Variants in SPTBN4 observed in about 807,000 individuals in gnomAD.
SPTBN4 encodes spectrin beta, non-erythrocytic 4, also known as spectrin beta chain, non-erythrocytic 4.
A neutral mutation model predicts 277.8 loss-of-function variants in SPTBN4; 96 were observed. That is an observed-to-expected ratio of 0.35 (90% CI 0.29 to 0.41). The LOEUF (loss-of-function observed/expected upper bound fraction) is 0.41, where lower values mean the gene tolerates loss of function less well. Ranked by LOEUF, SPTBN4 falls within the 10% of genes least tolerant of loss-of-function variation. The probability of loss-of-function intolerance (pLI) is 1.00; values close to 1 mark genes in which losing one functional copy is unlikely to be tolerated. For synonymous variants in SPTBN4, 1,481 were observed against 1,580.3 expected, an observed-to-expected ratio of 0.94 and a Z score of 1.49; for missense variants, 3,006 against 3,595.7, an observed-to-expected ratio of 0.84 and a Z score of 4.19.
At chr19:40,481,347 G>A (rs1454219232) in intron 2 of SPTBN4, among the ~76,000 whole-genome samples, 3 of 151,976 alleles carry the variant, frequency 2.0e-5, no homozygotes, top group Non-Finnish European at 2.9e-5. Flanking sequence ...TGAGCCATGC[G>A]CCCGGCCAAG....
In SPTBN4 at chr19:40,560,121, C is replaced by G. The variant is rs375981887; in HGVS notation, c.5671-38C>G. 6.4e-7 allele frequency: 1 copy of G among 1,550,536 alleles called. No homozygotes were observed. Among genetic ancestry groups the G allele is most frequent in the African/African-American group, 1.3e-5 (1 of 74,386 alleles). On this transcript the variant is annotated intron_variant, in intron 26 of 35. Transcript: ENST00000598249. This position sits in a 1 kb window ranked among gnomAD's most constrained non-coding sequence, Gnocchi z 5.2. ...TGGGAGGGAGGGCACAGCCTGGGCC[C>G]CGTGGAGGGCTGGCGCCCGACCTGG...
intron 2 of SPTBN4, among the ~76,000 whole-genome samples, chr19:40,474,553 C>A (rs2079925525): frequency 6.6e-6 from 1 of 151,752 alleles, no homozygotes; most frequent in South Asian, 2.1e-4. Context: ...CCTCAGCCTC[C>A]TGAATAGCTG....
At chr19:40,505,413 C>CG (rs1181673434) in intron 12 of SPTBN4, among the ~76,000 whole-genome samples, 1 of 139,978 alleles carries the variant, frequency 7.1e-6, no homozygotes, top group Admixed American at 7.1e-5. Context: ...AAGAAGAAGC[C>CG]GGGCACGGTG....
intron 25 of SPTBN4, 38 bp from the exon 26 acceptor site, chr19:40,556,985 C>T (rs767051456): frequency 3.3e-6 from 5 of 1,519,940 alleles, no homozygotes; most frequent in East Asian, 2.3e-5. Context: ...CCCCTTTGCT[C>T]ACTTTGCTGT....
intron 35 of SPTBN4, among the ~76,000 whole-genome samples, chr19:40,574,245 G>A (rs1439344097): frequency 2.0e-5 from 3 of 152,212 alleles, no homozygotes; most frequent in African/African-American, 7.2e-5. Context: ...AGGCCTGTGG[G>A]GAGAGGAGGA....
In SPTBN4 at chr19:40,523,466, G is replaced by A. The variant is rs530855088; in HGVS notation, c.3684G>A (p.Pro1228=). Residue 1228 remains proline, a synonymous_variant, in exon 17 of 36, where the codon CCG becomes CCA. Coordinates refer to ENST00000598249, the MANE Select transcript of SPTBN4 (RefSeq NM_020971.3). The part of the protein sequence containing the change: ...QEMALSGAEL[P]GTVESVEEAL... ...TGGCGCTGTCTGGTGCGGAGCTCCC[G>A]GGCACAGTGGAATCGGTGGAGGAGG... 6.0e-5 allele frequency: 97 copies of A among 1,611,398 alleles called. No individual in the cohort carries two copies. In the Middle Eastern group the frequency reaches 6.6e-4, roughly 11 times the overall value.
intron 2 of SPTBN4, among the ~76,000 whole-genome samples, chr19:40,473,090 C>T (rs1383727167): frequency 2.0e-5 from 3 of 151,838 alleles, no homozygotes; most frequent in Non-Finnish European, 2.9e-5. Flanking sequence ...TCTGTTGCCC[C>T]GGCTGGGGTG....
chr19:40,476,020 TG>T (rs1302346366), intron 2 of SPTBN4, among the ~76,000 whole-genome samples: 3 of 151,964 alleles, frequency 2.0e-5, no homozygotes, highest in African/African-American at 7.2e-5. Flanking sequence ...CACTCCAGCC[TG>T]GGCAACAGGT....
At chr19:40,550,127 G>A in intron 21 of SPTBN4, 111 bp from the exon 22 acceptor site, 1 of 785,042 alleles carries the variant, frequency 1.3e-6, no homozygotes, top group East Asian at 2.7e-5. Context: ...TATTCAACTG[G>A]GCTCTTAGGC....
intron 18 of SPTBN4, 127 bp downstream of exon 18, chr19:40,529,258 G>T: frequency 1.4e-5 from 12 of 836,530 alleles, no homozygotes; most frequent in Non-Finnish European, 1.9e-5. Flanking sequence ...GCTCTAAGCC[G>T]CCAGGGGGCG....
chr19:40,508,109 A>G (rs1377340711), intron 13 of SPTBN4, among the ~76,000 whole-genome samples: 1 of 152,174 alleles, frequency 6.6e-6, no homozygotes, highest in Non-Finnish European at 1.5e-5. Context: ...CAGTGATCTA[A>G]TCGGCCACAT....
At chr19:40,528,778 C>CT (rs2080625473) in intron 17 of SPTBN4, among the ~76,000 whole-genome samples, 1 of 151,894 alleles carries the variant, frequency 6.6e-6, no homozygotes, top group South Asian at 2.1e-4. Flanking sequence ...CTGGACTTGC[C>CT]TTTTTTTCTC....
At chr19:40,562,791 G>A (rs1171486442) in intron 27 of SPTBN4, among the ~76,000 whole-genome samples, 1 of 147,568 alleles carries the variant, frequency 6.8e-6, no homozygotes, top group Non-Finnish European at 1.5e-5. Flanking sequence ...CCAAGATTGT[G>A]CCATTGCACT....
rs1195453014 is a variant in SPTBN4, at chr19:40,566,985, AAC to A, written c.6336+628_6336+629del. 4.5e-4 allele frequency: 122 copies of A among 269,832 alleles called. 2 individuals carry two copies. Among genetic ancestry groups the A allele is most frequent in the East Asian group, 2.5e-3 (24 of 9,654 alleles). The allele number at this position is 269,832 out of a possible 1,614,324, so 16.7% of individuals were successfully genotyped here. A position where few individuals can be genotyped will look rare whatever the true frequency, so the allele number is the denominator to read the frequency against. On this transcript the variant is annotated intron_variant, in intron 30 of 35. Transcript: ENST00000598249. Reference sequence around the variant, plus strand: ...ACAACAACAACAATAAAAAAAAAACAACAAAAAAAAACCGCTTAAAGGCTGGG... The same window carrying A: ...ACAACAACAACAATAAAAAAAAAACAAAAAAAAAACCGCTTAAAGGCTGGG...
intron 17 of SPTBN4, among the ~76,000 whole-genome samples, chr19:40,526,502 G>A (rs2080594327): frequency 6.6e-6 from 1 of 151,772 alleles, no homozygotes; most frequent in Non-Finnish European, 1.5e-5. Context: ...CGTTTTGCAT[G>A]TGAGGCTCAG....
chr19:40,490,196 G>A lies in SPTBN4; in HGVS notation c.443G>A (p.Gly148Glu), dbSNP rs1450770025. 2 of 1,614,222 alleles carry A rather than the reference G, an allele frequency of 1.2e-6. No individual in the cohort carries two copies. Among genetic ancestry groups the A allele is most frequent in the Non-Finnish European group, 1.7e-6 (2 of 1,180,044 alleles). The change falls in exon 4 of 36, where the codon GGG becomes GAG. Residue 148 changes from glycine (G) to glutamate (E), a missense_variant. By Grantham distance (98) the Gly-to-Glu change is moderately conservative (BLOSUM62 -2). Around this residue, in one of 5 missense-constraint regions of SPTBN4, gnomAD observed 114 missense variants for 196.1 expected, o/e 0.58. Coordinates refer to ENST00000598249, the MANE Select transcript of SPTBN4 (RefSeq NM_020971.3). The surrounding 1 kb of genome is among the most constrained non-coding windows in gnomAD (Gnocchi z 4.3). ...GTGGGTTCGCATGACATCGTGGATG[G>A]GAATCACCGGCTGACGCTGGGGCTG... ...ENVGSHDIVD[G>E]NHRLTLGLVW...
chr19:40,475,834 C>T (rs2079941217), intron 2 of SPTBN4, among the ~76,000 whole-genome samples: 2 of 151,566 alleles, frequency 1.3e-5, no homozygotes, highest in South Asian at 4.2e-4. Context: ...TCGCTTGAGC[C>T]CAGGAGTTCG....
rs1170806646 is a variant in SPTBN4, at chr19:40,515,496, C to G, written c.2903+48C>G. On this transcript the variant is annotated intron_variant, in intron 15 of 35. Coordinates refer to ENST00000598249, the MANE Select transcript of SPTBN4 (RefSeq NM_020971.3). The surrounding 1 kb of genome is among the most constrained non-coding windows in gnomAD (Gnocchi z 4.1). ...GTCCCTCCCATCCTTCCCTTCCACA[C>G]TCACACAGCCATGGACAGCAAGATG... 6.6e-7 allele frequency: 1 copy of G among 1,517,958 alleles called. No homozygotes were observed. The highest frequency in any genetic ancestry group is 1.4e-5 in the African/African-American group (1 of 71,814). The allele number at this position is 1,517,958 out of a possible 1,614,324, so 94.0% of individuals were successfully genotyped here.
chr19:40,544,357 T>C (rs1221447300), intron 20 of SPTBN4, among the ~76,000 whole-genome samples: 3 of 149,954 alleles, frequency 2.0e-5, no homozygotes, highest in African/African-American at 7.4e-5. Context: ...TTGGCCAGCA[T>C]GGTGTCTATC....
Sources: gnomAD v4.1 joint callset for allele counts (sites outside exome capture counted in the v4.1 genomes callset) on GRCh38, gnomAD v4.1.1 for gene constraint, gnomAD v4.1.1 regional missense constraint, Gnocchi (gnomAD v3.1) non-coding constraint, MANE v1.5 for transcripts, NCBI Gene and HGNC (gene_info 2026-07-23, HGNC 2026-07-21) for gene names.